The following ENOX1 variants were observed in gnomAD, a reference collection of about 807,000 sequenced individuals.
ENOX1 encodes candidate growth-related and time keeping constitutive hydroquinone (NADH) oxidase.
ENOX1 carries 42 observed loss-of-function variants against 82.5 expected under a neutral mutation model. That is an observed-to-expected ratio of 0.51 (90% CI 0.40 to 0.66). The LOEUF (loss-of-function observed/expected upper bound fraction) is 0.66, where lower values mean the gene tolerates loss of function less well. ENOX1 is among the 30% of genes least tolerant of loss of function. ENOX1 has a pLI of 0.00. For missense variants in ENOX1, 608 were observed against 811.6 expected, an observed-to-expected ratio of 0.75 and a Z score of 3.05; for synonymous variants, 271 against 282.2, an observed-to-expected ratio of 0.96 and a Z score of 0.40.
At chr13:43,275,194 G>A (rs1010836517) in intron 12 of ENOX1, among the ~76,000 whole-genome samples, 1 of 152,182 alleles carries the variant, frequency 6.6e-6, no homozygotes, top group African/African-American at 2.4e-5. Flanking sequence ...TTACAGACAT[G>A]CTTTTGTGTA....
chr13:43,548,627 C>G (rs964802685), intron 2 of ENOX1, among the ~76,000 whole-genome samples: 7 of 152,214 alleles, frequency 4.6e-5, no homozygotes, highest in African/African-American at 1.7e-4. Context: ...GATTGGGTCT[C>G]CTTAATCTGG....
chr13:43,293,181 C>A (rs991619367), intron 12 of ENOX1, among the ~76,000 whole-genome samples: 2 of 152,144 alleles, frequency 1.3e-5, no homozygotes, highest in Non-Finnish European at 2.9e-5. Context: ...TTACCACCCC[C>A]CTCACAGATG....
intron 2 of ENOX1, among the ~76,000 whole-genome samples, chr13:43,574,677 T>C (rs2080337025): frequency 6.6e-6 from 1 of 152,234 alleles, no homozygotes; most frequent in African/African-American, 2.4e-5. Context: ...ACTTTTGTTT[T>C]CCACTTTCAT....
At chr13:43,713,468 G>C (rs2087880381) in intron 1 of ENOX1, among the ~76,000 whole-genome samples, 1 of 152,000 alleles carries the variant, frequency 6.6e-6, no homozygotes. Flanking sequence ...CTATTGATTG[G>C]AATAGTTTCA....
At chr13:43,712,337 G>C (rs1311269317) in intron 1 of ENOX1, among the ~76,000 whole-genome samples, 1 of 151,544 alleles carries the variant, frequency 6.6e-6, no homozygotes, top group Admixed American at 6.6e-5. Flanking sequence ...TTGTAGTATA[G>C]TTTGAAGTCA....
intron 3 of ENOX1, among the ~76,000 whole-genome samples, chr13:43,453,831 A>T (rs1179576327): frequency 1.3e-5 from 2 of 152,230 alleles, no homozygotes; most frequent in African/African-American, 4.8e-5. Context: ...GCAAAGGAAC[A>T]GATAAAGGAA....
intron 2 of ENOX1, among the ~76,000 whole-genome samples, chr13:43,610,668 C>G (rs1012829291): frequency 1.3e-5 from 2 of 151,982 alleles, no homozygotes; most frequent in African/African-American, 2.4e-5. Flanking sequence ...AGAGGTAACT[C>G]TCACAGATAT....
At chr13:43,716,806 T>C (rs902340750) in intron 1 of ENOX1, among the ~76,000 whole-genome samples, 1 of 149,530 alleles carries the variant, frequency 6.7e-6, no homozygotes, top group African/African-American at 2.4e-5. Flanking sequence ...AAAAATGAAT[T>C]ACCTAGGAAT....
At chr13:43,281,923 T>C (rs2045408053) in intron 12 of ENOX1, among the ~76,000 whole-genome samples, 1 of 152,142 alleles carries the variant, frequency 6.6e-6, no homozygotes, top group Admixed American at 6.6e-5. Context: ...CATAAATCAG[T>C]TGCATTCTAG....
At position 43,370,235 on chromosome 13, in the gene ENOX1, C is replaced by G. The variant is rs9590758; in HGVS notation, c.209-8783G>C. Among the ~76,000 whole-genome samples, 91 of 151,930 alleles carry G rather than the reference C, an allele frequency of 6.0e-4. No individual in the cohort carries two copies. In the East Asian group the frequency reaches 0.012, roughly 20 times the overall value. ...ACAAAAAATTAGCTGGGAGTGGTGGCGGGCACCTGTAGTCCCAGCTACTCG... is the reference window on the plus strand; with the variant it reads ...ACAAAAAATTAGCTGGGAGTGGTGGGGGGCACCTGTAGTCCCAGCTACTCG... On this transcript the variant is annotated intron_variant, in intron 5 of 16. Coordinates refer to ENST00000690772, the MANE Select transcript of ENOX1 (RefSeq NM_001347969.2).
At chr13:43,724,098 T>C (rs2088768325) in intron 1 of ENOX1, among the ~76,000 whole-genome samples, 1 of 152,206 alleles carries the variant, frequency 6.6e-6, no homozygotes, top group African/African-American at 2.4e-5. Flanking sequence ...TTAGGTCTTT[T>C]AAATAATGTT....
At chr13:43,397,181 C>A (rs541882074) in intron 5 of ENOX1, among the ~76,000 whole-genome samples, 2 of 152,344 alleles carry the variant, frequency 1.3e-5, no homozygotes, top group East Asian at 3.9e-4. Flanking sequence ...ATGAAATCAT[C>A]GTTTTCCTCT....
intron 15 of ENOX1, among the ~76,000 whole-genome samples, chr13:43,229,099 G>A (rs1359702276): frequency 6.6e-6 from 1 of 152,120 alleles, no homozygotes; most frequent in Non-Finnish European, 1.5e-5. Context: ...GAGATCTGAT[G>A]GTTTTATAAG....
At chr13:43,354,238 A>C (rs2049996951) in intron 8 of ENOX1, among the ~76,000 whole-genome samples, 1 of 152,220 alleles carries the variant, frequency 6.6e-6, no homozygotes, top group Non-Finnish European at 1.5e-5. Flanking sequence ...GAAAAGTGAG[A>C]TGATATCTGT....
chr13:43,701,131 C>A (rs1008714938), intron 1 of ENOX1, among the ~76,000 whole-genome samples: 1 of 152,088 alleles, frequency 6.6e-6, no homozygotes, highest in East Asian at 1.9e-4. Flanking sequence ...AGAGACTCCA[C>A]GAAAGTGCAT....
intron 2 of ENOX1, among the ~76,000 whole-genome samples, chr13:43,648,353 C>T (rs1173138350): frequency 1.3e-5 from 2 of 152,178 alleles, no homozygotes; most frequent in Non-Finnish European, 1.5e-5. Context: ...CCATGGTCAG[C>T]TTCTGCAACC....
intron 2 of ENOX1, among the ~76,000 whole-genome samples, chr13:43,560,496 A>G (rs1227069589): frequency 1.3e-5 from 2 of 152,016 alleles, no homozygotes; most frequent in African/African-American, 4.8e-5. Context: ...GCCATCATTA[A>G]TGAGGCCATC....
At chr13:43,245,303 C>T (rs559745498) in intron 14 of ENOX1, among the ~76,000 whole-genome samples, 3 of 152,176 alleles carry the variant, frequency 2.0e-5, no homozygotes, top group South Asian at 4.1e-4. Context: ...TCTTCCTGCT[C>T]CCTGATTCCA....
chr13:43,561,706 A>C (rs999386104), intron 2 of ENOX1, among the ~76,000 whole-genome samples: 1 of 152,120 alleles, frequency 6.6e-6, no homozygotes, highest in African/African-American at 2.4e-5. Context: ...AAATGCAGCA[A>C]GGGCCAGGCA....
Sources: allele counts gnomAD v4.1 joint callset (sites outside exome capture counted in the v4.1 genomes callset), GRCh38; gene constraint gnomAD v4.1.1; transcripts MANE v1.5; gene names NCBI Gene and HGNC (gene_info 2026-07-23, HGNC 2026-07-21).